The following ASCC3 variants were observed in gnomAD, a reference collection of about 807,000 sequenced individuals.
ASCC3 encodes the protein activating signal cointegrator 1 complex subunit 3.
Under a neutral mutation model 256.3 loss-of-function variants are expected in ASCC3, and 158 were observed. The observed-to-expected ratio is 0.62, with a 90% CI of 0.54 to 0.70. The LOEUF (loss-of-function observed/expected upper bound fraction) is 0.70, where lower values mean the gene tolerates loss of function less well. ASCC3 is among the 30% of genes least tolerant of loss of function. The probability of loss-of-function intolerance (pLI) is 0.00; values close to 1 mark genes in which losing one functional copy is unlikely to be tolerated. For missense variants in ASCC3, 2,259 were observed against 2,626.0 expected, an observed-to-expected ratio of 0.86 and a Z score of 3.05; for synonymous variants, 948 against 883.4, an observed-to-expected ratio of 1.07 and a Z score of -1.30.
At chr6:100,532,362 G>GTA (rs1774927130) in intron 37 of ASCC3, among the ~76,000 whole-genome samples, 1 of 132,296 alleles carries the variant, frequency 7.6e-6, no homozygotes, top group African/African-American at 3.0e-5. Flanking sequence ...GTGTGTGTGT[G>GTA]TGTGTGTGTA....
chr6:100,605,269 G>A (rs780414735), intron 33 of ASCC3, among the ~76,000 whole-genome samples: 4 of 152,114 alleles, frequency 2.6e-5, no homozygotes, highest in Non-Finnish European at 5.9e-5. Context: ...GCAATGAGGT[G>A]TTAAGCAACT....
chr6:100,659,338 T>C (rs1776075649), intron 16 of ASCC3, among the ~76,000 whole-genome samples: 1 of 151,440 alleles, frequency 6.6e-6, no homozygotes, highest in Non-Finnish European at 1.5e-5. Flanking sequence ...TAATTTCACA[T>C]TCAACAATAA....
At chr6:100,513,840 C>T (rs1220651994) in intron 39 of ASCC3, among the ~76,000 whole-genome samples, 1 of 150,988 alleles carries the variant, frequency 6.6e-6, no homozygotes, top group African/African-American at 2.4e-5. Flanking sequence ...AACTTGAGGT[C>T]ATCTTTTTCT....
At chr6:100,702,907 C>T (rs1037481474) in intron 13 of ASCC3, among the ~76,000 whole-genome samples, 1 of 151,970 alleles carries the variant, frequency 6.6e-6, no homozygotes, top group Non-Finnish European at 1.5e-5. Flanking sequence ...TGCTAATCAC[C>T]TTTGGCTTTG....
intron 4 of ASCC3, 56 bp from the exon 5 acceptor site, chr6:100,805,936 C>T: frequency 6.4e-7 from 1 of 1,556,494 alleles, no homozygotes; most frequent in Non-Finnish European, 8.8e-7. Context: ...TTAACTTTTT[C>T]AAGTTATTAA....
At chr6:100,713,959 T>C (rs941043213) in intron 13 of ASCC3, among the ~76,000 whole-genome samples, 1 of 152,202 alleles carries the variant, frequency 6.6e-6, no homozygotes, top group Non-Finnish European at 1.5e-5. Flanking sequence ...AGAATCTTTT[T>C]TGAAATGCTT....
At chr6:100,713,447 A>C (rs571307259) in intron 13 of ASCC3, among the ~76,000 whole-genome samples, 1 of 152,324 alleles carries the variant, frequency 6.6e-6, no homozygotes, top group East Asian at 1.9e-4. Flanking sequence ...GAGGATGTTT[A>C]GGTCAGTGAA....
rs1028584685 is a variant in ASCC3 at position 100,643,358 on chromosome 6, T to C, written c.3733-609A>G. 2.2e-4 allele frequency among the ~76,000 whole-genome samples: 33 copies of C among 152,196 alleles called. 1 individual carries two copies. Among genetic ancestry groups the C allele is most frequent in the Non-Finnish European group, 5.9e-5 (4 of 68,010 alleles). ...AAGAAATTTAGAAGAAATGCTCTTTTAATCCAATAGTATTCAGTATTTTGT... is the reference window on the plus strand; with the variant it reads ...AAGAAATTTAGAAGAAATGCTCTTTCAATCCAATAGTATTCAGTATTTTGT... On this transcript the variant is annotated intron_variant, in intron 23 of 41. Transcript: ENST00000369162.
chr6:100,848,748 C>T (rs1335797475), intron 3 of ASCC3, 41 bp from the exon 4 acceptor site: 1 of 1,585,608 alleles, frequency 6.3e-7, no homozygotes, highest in Non-Finnish European at 8.6e-7. Flanking sequence ...TCAATTGAAT[C>T]ATGGTTCAAG....
intron 17 of ASCC3, among the ~76,000 whole-genome samples, chr6:100,653,307 GA>G (rs1463574935): frequency 6.6e-6 from 1 of 152,006 alleles, no homozygotes; most frequent in Non-Finnish European, 1.5e-5. Flanking sequence ...ATGATAGCAA[GA>G]ATGCTTTCCC....
chr6:100,732,615 A>C (rs1006049238), intron 10 of ASCC3, among the ~76,000 whole-genome samples: 1 of 152,224 alleles, frequency 6.6e-6, no homozygotes, highest in African/African-American at 2.4e-5. Context: ...TTCCTGATAG[A>C]AACCTGTGAC....
intron 36 of ASCC3, among the ~76,000 whole-genome samples, chr6:100,584,409 C>G (rs938715341): frequency 3.3e-5 from 5 of 151,680 alleles, no homozygotes; most frequent in Non-Finnish European, 7.4e-5. Context: ...AGGATTGCAA[C>G]CTCTCCCTTT....
chr6:100,706,497 C>T (rs528367250), intron 13 of ASCC3, among the ~76,000 whole-genome samples: 17 of 151,750 alleles, frequency 1.1e-4, no homozygotes, highest in Admixed American at 9.2e-4. Flanking sequence ...AAATGAGTCT[C>T]AATAATCAAT....
chr6:100,711,612 C>G (rs1168295836), intron 13 of ASCC3, among the ~76,000 whole-genome samples: 1 of 152,072 alleles, frequency 6.6e-6, no homozygotes, highest in Non-Finnish European at 1.5e-5. Flanking sequence ...TGCCTGTAAT[C>G]CCAGCTACTT....
intron 3 of ASCC3, among the ~76,000 whole-genome samples, chr6:100,852,230 C>T (rs1772716995): frequency 6.6e-6 from 1 of 152,144 alleles, no homozygotes; most frequent in African/African-American, 2.4e-5. Flanking sequence ...GTCTAATTAG[C>T]CAAAGCTATC....
intron 32 of ASCC3, among the ~76,000 whole-genome samples, 188 bp from the exon 33 acceptor site, chr6:100,605,888 T>C (rs186812718): frequency 8.5e-5 from 13 of 152,162 alleles, no homozygotes; most frequent in Admixed American, 6.6e-4. Flanking sequence ...ACTCAGAAAA[T>C]TGATAAATAA....
chr6:100,805,998 A>T lies in ASCC3; in HGVS notation c.802-118T>A, dbSNP rs906675725. 9 of 960,182 alleles carry T rather than the reference A, an allele frequency of 9.4e-6. No homozygotes were observed. In the African/African-American group the frequency reaches 1.3e-4, roughly 14 times the overall value. The allele number at this position is 960,182 out of a possible 1,614,324, so 59.5% of individuals were successfully genotyped here. A position where few individuals can be genotyped will look rare whatever the true frequency, so the allele number is the denominator to read the frequency against. The stretch of plus-strand genomic sequence containing the variant: ...CAAACTAATATAGAAATACTCAAAA[A>T]ATTTAATAAAAATGGTACCTTAAAC... On this transcript the variant is annotated intron_variant, in intron 4 of 41. Transcript: ENST00000369162.
chr6:100,706,626 C>T (rs1778597896), intron 13 of ASCC3, among the ~76,000 whole-genome samples: 1 of 151,930 alleles, frequency 6.6e-6, no homozygotes, highest in African/African-American at 2.4e-5. Context: ...CAAGTACCTA[C>T]TCGGCAATTT....
At chr6:100,840,503 T>TGCAATG (rs1772090646) in intron 4 of ASCC3, among the ~76,000 whole-genome samples, 1 of 149,910 alleles carries the variant, frequency 6.7e-6, no homozygotes, top group Non-Finnish European at 1.5e-5. Context: ...TTTTTTTTTT[T>TGCAATG]TTTTTTGGCG....
Sources: allele counts gnomAD v4.1 joint callset (sites outside exome capture counted in the v4.1 genomes callset), GRCh38; gene constraint gnomAD v4.1.1; transcripts MANE v1.5; gene names NCBI Gene and HGNC (gene_info 2026-07-23, HGNC 2026-07-21).